The following TET1 variants were observed in gnomAD, a reference collection of about 807,000 sequenced individuals.
The protein encoded by TET1 is tet methylcytosine dioxygenase 1.
TET1 carries 13 observed loss-of-function variants against 148.7 expected under a neutral mutation model. That is an observed-to-expected ratio of 0.09 (90% CI 0.06 to 0.14). The LOEUF (loss-of-function observed/expected upper bound fraction) is 0.14, where lower values mean the gene tolerates loss of function less well. TET1 is among the 10% of genes least tolerant of loss of function. The pLI is 1.00. For missense variants in TET1, 2,182 were observed against 2,553.8 expected (o/e 0.85, Z 3.14); for synonymous variants, 907 against 937.2 (o/e 0.97, Z 0.59).
intron 6 of TET1, among the ~76,000 whole-genome samples, chr10:68,654,216 G>C (rs879623859): frequency 6.6e-6 from 1 of 151,908 alleles, no homozygotes; most frequent in East Asian, 1.9e-4. Flanking sequence ...AGTAGGCAGA[G>C]GATAAGCAGG....
At position 68,644,971 on chromosome 10, in the gene TET1, T is replaced by G; in HGVS notation, c.2242T>G (p.Ser748Ala). 1 of 1,613,272 alleles carries G rather than the reference T, an allele frequency of 6.2e-7. No individual in the cohort carries two copies. The highest frequency in any genetic ancestry group is 8.5e-7 in the Non-Finnish European group (1 of 1,179,698). ...TGAAGTTGACAAGAAACGAACCAAA[T>G]CTCCAAAATTGTTTGTACAAACCGT... ...NSEVDKKRTKSPKLFVQTVRN... is the reference protein window; with the variant it reads ...NSEVDKKRTKAPKLFVQTVRN... Residue 748 changes from serine to alanine, a missense_variant, in exon 4 of 12, where the codon TCT (serine) becomes GCT (alanine). Physicochemically the swap from Ser to Ala is moderately conservative, Grantham distance 99. This residue lies in a region of TET1 where 226 missense variants were observed against 307.4 expected (regional missense o/e 0.74). Transcript: ENST00000373644.
At chr10:68,560,806 AG>A (rs1193708437) in intron 1 of TET1, 64 bp downstream of exon 1, 3 of 152,484 alleles carry the variant, frequency 2.0e-5, no homozygotes, top group South Asian at 2.1e-4. Flanking sequence ...CCGAGGCCCG[AG>A]GGGGGTCCGG....
At chr10:68,632,610 T>C in intron 3 of TET1, 1 of 1,584,694 alleles carries the variant, frequency 6.3e-7, no homozygotes, top group East Asian at 2.2e-5. Flanking sequence ...GTAGGTATAA[T>C]TATGCAAGGC....
intron 3 of TET1, among the ~76,000 whole-genome samples, chr10:68,624,650 TTCTTTCTTTCTCTCTCTC>T (rs2054437523): frequency 3.5e-5 from 2 of 57,078 alleles, no homozygotes; most frequent in African/African-American, 1.1e-4. Flanking sequence ...CTTTCTTTCT[TTCTTTCTTTCTCTCTCTC>T]TCTCTCTCTC....
chr10:68,632,381 C>A, intron 3 of TET1: 1 of 1,604,800 alleles, frequency 6.2e-7, no homozygotes. Flanking sequence ...ATGGCCTCCA[C>A]GCCGGAGCCC....
intron 7 of TET1, among the ~76,000 whole-genome samples, chr10:68,669,490 T>TG (rs1464153488): frequency 3.4e-4 from 36 of 104,772 alleles, no homozygotes; most frequent in Non-Finnish European, 7.3e-4. Flanking sequence ...TTTTTTTTTT[T>TG]TTGTATTTTT....
At chr10:68,668,230 A>G (rs777581335) in intron 7 of TET1, among the ~76,000 whole-genome samples, 2 of 152,150 alleles carry the variant, frequency 1.3e-5, no homozygotes, top group Non-Finnish European at 2.9e-5. Flanking sequence ...TCCTTTGGCT[A>G]TGTTATCTCC....
chr10:68,648,103 T>C (rs1351574342), intron 4 of TET1, among the ~76,000 whole-genome samples: 1 of 152,222 alleles, frequency 6.6e-6, no homozygotes, highest in African/African-American at 2.4e-5. Flanking sequence ...TGCTAATAGC[T>C]GACTCATGGA....
intron 3 of TET1, among the ~76,000 whole-genome samples, chr10:68,617,533 G>GT (rs773103562): frequency 6.2e-4 from 94 of 151,720 alleles, no homozygotes; most frequent in African/African-American, 1.1e-3. Context: ...GAGGATCTTT[G>GT]TTTTTTTTGT....
intron 3 of TET1, among the ~76,000 whole-genome samples, chr10:68,633,440 G>C (rs1190638187): frequency 2.0e-5 from 3 of 151,818 alleles, no homozygotes; most frequent in Non-Finnish European, 1.5e-5. Context: ...GAGTACAGTG[G>C]TGTGACCACG....
At chr10:68,611,883 A>G (rs1353216021) in intron 3 of TET1, among the ~76,000 whole-genome samples, 43 of 89,884 alleles carry the variant, frequency 4.8e-4, no homozygotes, top group African/African-American at 6.8e-4. Context: ...AGAGAGAGGG[A>G]GGGAGGGGAG....
chr10:68,632,329 A>G (rs1452043985), intron 3 of TET1: 2 of 1,516,952 alleles, frequency 1.3e-6, no homozygotes, highest in Non-Finnish European at 1.8e-6. Context: ...TTCAAAAAAA[A>G]AAGAAAGGGT....
rs145140130 is a variant in TET1 at position 68,645,858 on chromosome 10, T to A, written c.3129T>A (p.Asn1043Lys). 1 of 1,613,842 alleles carries A rather than the reference T, an allele frequency of 6.2e-7. No homozygotes were observed. The highest frequency in any genetic ancestry group is 8.5e-7 in the Non-Finnish European group (1 of 1,179,948). ...NDLHQLPPRN[N>K]EVEYCNQLLD... ...TGCATCAGTTGCCACCAAGAAATAA[T>A]GAAGTGGAGTATTGCAACCAGTTAC... The change falls in exon 4 of 12, where the codon AAT (asparagine) becomes AAA (lysine). Residue 1043 changes from asparagine (N) to lysine (K), a missense_variant. By Grantham distance (94) the Asn-to-Lys change is moderately conservative (BLOSUM62 0). Coordinates refer to ENST00000373644, the MANE Select transcript of TET1 (RefSeq NM_030625.3).
intron 2 of TET1, among the ~76,000 whole-genome samples, chr10:68,585,726 T>C (rs531999695): frequency 6.6e-5 from 10 of 152,170 alleles, no homozygotes; most frequent in Admixed American, 3.9e-4. Flanking sequence ...AAAAATTTTT[T>C]TGGGCCGGGC....
chr10:68,615,152 C>T (rs947652589), intron 3 of TET1, among the ~76,000 whole-genome samples: 2 of 151,996 alleles, frequency 1.3e-5, no homozygotes, highest in South Asian at 2.1e-4. Context: ...AGGCTGGTCT[C>T]GAACTCCTGA....
intron 3 of TET1, among the ~76,000 whole-genome samples, chr10:68,637,191 T>G (rs1163364147): frequency 1.3e-5 from 2 of 151,912 alleles, no homozygotes; most frequent in African/African-American, 4.8e-5. Context: ...TAGAGATGGG[T>G]TTTCACTGTG....
At position 68,667,612 on chromosome 10, in the gene TET1, C is replaced by T. The variant is rs571415656; in HGVS notation, c.4673+356C>T. 7.2e-5 allele frequency among the ~76,000 whole-genome samples: 11 copies of T among 151,938 alleles called. No homozygotes were observed. The South Asian group carries it at 1.9e-3, about 26-fold the overall frequency. ...ACAAAAAATTAGCCGGGCGTGGTGG[C>T]GGGCGCCTACAGTCCCAGCTACTCA... is the stretch of plus-strand genomic sequence containing the variant. On this transcript the variant is annotated intron_variant, in intron 7 of 11. Coordinates refer to ENST00000373644, the MANE Select transcript of TET1 (RefSeq NM_030625.3).
Position 68,645,320 on chromosome 10 carries a change from G to C in TET1, c.2591G>C (p.Ser864Thr). Residue 864 changes from serine to threonine, a missense_variant, in exon 4 of 12, where the codon AGT (serine) becomes ACT (threonine). By Grantham distance (58) the Ser-to-Thr change is moderately conservative (BLOSUM62 1). Transcript: ENST00000373644. ...CCAAAAACTCCTGAGAATATACCAA[G>C]TAAAGAACCAAAAGATGGATCTCCC... Reference protein sequence around the residue: ...DQPKTPENIPSKEPKDGSPVQ... With the variant: ...DQPKTPENIPTKEPKDGSPVQ... The C allele has an allele frequency of 1.9e-6, 3 of 1,614,048 alleles. No homozygotes were observed. The highest frequency in any genetic ancestry group is 2.5e-6 in the Non-Finnish European group (3 of 1,180,022).
At position 68,572,441 on chromosome 10, in the gene TET1, A is replaced by G. The variant is rs565181995; in HGVS notation, c.103A>G (p.Asn35Asp). 2.5e-6 allele frequency: 4 copies of G among 1,614,208 alleles called. No individual in the cohort carries two copies. The East Asian group carries it at 8.9e-5, about 36-fold the overall frequency. The stretch of plus-strand genomic sequence containing the variant: ...ACTACGAAAGACAACCAAGGGAGCC[A>G]ACAAAAATGTGGCATCAGTCAAGAC... The part of the protein sequence containing the change: ...SQLRKTTKGA[N>D]KNVASVKTLS... Residue 35 changes from asparagine (N) to aspartate (D), a missense_variant, in exon 2 of 12, where the codon AAC becomes GAC. Around this residue, in one of 11 missense-constraint regions of TET1, gnomAD observed 665 missense variants for 672.4 expected, o/e 0.99. Transcript: ENST00000373644.
Sources: gnomAD v4.1 joint callset for allele counts (sites outside exome capture counted in the v4.1 genomes callset) on GRCh38, gnomAD v4.1.1 for gene constraint, gnomAD v4.1.1 regional missense constraint, MANE v1.5 for transcripts, NCBI Gene and HGNC (gene_info 2026-07-23, HGNC 2026-07-21) for gene names.